The following PHIP variants were observed in gnomAD, a reference collection of about 807,000 sequenced individuals.
The protein encoded by PHIP is PHIP subunit of CUL4-Ring ligase complex, also known as PH-interacting protein.
PHIP carries 54 observed loss-of-function variants against 236.8 expected under a neutral mutation model. The observed-to-expected ratio is 0.23, with a 90% CI of 0.18 to 0.29. The LOEUF is 0.29. PHIP is among the 10% of genes least tolerant of loss of function. The pLI, the probability that PHIP is intolerant of heterozygous loss-of-function variation, is 1.00. For missense variants in PHIP, 1,370 were observed against 2,190.8 expected (o/e 0.63, Z 7.48); for synonymous variants, 756 against 718.9 (o/e 1.05, Z -0.83).
intron 22 of PHIP, among the ~76,000 whole-genome samples, chr6:78,983,612 A>G (rs1185845951): frequency 6.6e-6 from 1 of 152,136 alleles, no homozygotes; most frequent in Non-Finnish European, 1.5e-5. Context: ...CTCTCAGGGT[A>G]GCTGGATATT....
rs950906508 is a variant in PHIP, at chr6:79,010,847, C to T, written c.1524+4235G>A. Among the ~76,000 whole-genome samples, 117 of 151,924 alleles carry T rather than the reference C, an allele frequency of 7.7e-4. 1 individual carries two copies. Among genetic ancestry groups the T allele is most frequent in the Non-Finnish European group, 2.1e-4 (14 of 67,796 alleles). On this transcript the variant is annotated intron_variant, in intron 15 of 39. Coordinates refer to ENST00000275034, the MANE Select transcript of PHIP (RefSeq NM_017934.7). Reference sequence around the variant, plus strand: ...TATCTTTTCAAATTAATTTAATATTCATTTAGTTAAACTCGTAGTTAAAAC... The same window carrying T: ...TATCTTTTCAAATTAATTTAATATTTATTTAGTTAAACTCGTAGTTAAAAC...
intron 15 of PHIP, among the ~76,000 whole-genome samples, chr6:79,011,382 G>A (rs1037715265): frequency 6.6e-6 from 1 of 151,598 alleles, no homozygotes; most frequent in Non-Finnish European, 1.5e-5. Context: ...ATTCTCTTTG[G>A]TTTCTTCTCC....
intron 6 of PHIP, among the ~76,000 whole-genome samples, chr6:79,059,791 T>C (rs975506850): frequency 2.0e-5 from 3 of 151,676 alleles, no homozygotes; most frequent in Non-Finnish European, 4.4e-5. Flanking sequence ...TGAAGGTCTC[T>C]GAAAATTAGG....
At chr6:79,013,435 AT>A (rs1409683117) in intron 15 of PHIP, among the ~76,000 whole-genome samples, 1 of 151,748 alleles carries the variant, frequency 6.6e-6, no homozygotes, top group African/African-American at 2.4e-5. Flanking sequence ...TCTCTTATCC[AT>A]AAAAAGAACC....
intron 6 of PHIP, among the ~76,000 whole-genome samples, chr6:79,058,923 C>T (rs1262942061): frequency 6.6e-6 from 1 of 152,042 alleles, no homozygotes; most frequent in East Asian, 1.9e-4. Flanking sequence ...TCTTTCCCTT[C>T]TTGCAGGAAT....
intron 9 of PHIP, among the ~76,000 whole-genome samples, chr6:79,024,177 A>G (rs574821350): frequency 1.6e-4 from 24 of 152,208 alleles, no homozygotes; most frequent in Non-Finnish European, 2.8e-4. Context: ...CATAAGAACC[A>G]CTCTACAAGA....
Position 78,963,078 on chromosome 6 carries a change from C to G in PHIP, c.3535+19G>C. ...GTGTTCTGCCAGTTTTTTCTATACT[C>G]GCGTGTTGCTTTACTTACCTAGTGT... is the stretch of plus-strand genomic sequence containing the variant. On this transcript the variant is annotated intron_variant, in intron 30 of 39. Transcript: ENST00000275034. The G allele has an allele frequency of 1.3e-6, 2 of 1,564,080 alleles. No individual in the cohort carries two copies. The highest frequency in any genetic ancestry group is 2.4e-5 in the South Asian group (2 of 83,190).
chr6:78,945,346 G>A lies in PHIP; in HGVS notation c.4782C>T (p.Leu1594=). The change falls in exon 39 of 40, where the codon CTC becomes CTT. Residue 1594 remains leucine, a synonymous_variant. Coordinates refer to ENST00000275034, the MANE Select transcript of PHIP (RefSeq NM_017934.7). ...ACTTTGAAAGAGTGGACGCCTTTGG[G>A]AGTACAGATGACTTCATTTTACGTT... ...PVKRKMKSSV[L]PKASTLSKSS... 1 of 1,613,744 alleles carries A rather than the reference G, an allele frequency of 6.2e-7. No individual in the cohort carries two copies. Among genetic ancestry groups the A allele is most frequent in the Non-Finnish European group, 8.5e-7 (1 of 1,179,700 alleles).
At position 79,009,613 on chromosome 6, in the gene PHIP, T is replaced by C. The variant is rs201469803; in HGVS notation, c.1524+5469A>G. Among the ~76,000 whole-genome samples the C allele has an allele frequency of 2.0e-4, 31 of 152,242 alleles. No individual in the cohort carries two copies. In the East Asian group the frequency reaches 5.6e-3, roughly 27 times the overall value. On this transcript the variant is annotated intron_variant, in intron 15 of 39. Transcript: ENST00000275034. ...CTTATTCTCCCTTGTGGTCCTCATA[T>C]TTTGTGCTTAACACAAAAGAAAACA...
intron 29 of PHIP, 44 bp from the exon 30 acceptor site, chr6:78,963,296 T>G: frequency 6.7e-7 from 1 of 1,498,712 alleles, no homozygotes; most frequent in Non-Finnish European, 9.1e-7. Context: ...GGTAACTTAT[T>G]AGTATTCAGG....
chr6:78,999,786 T>C (rs555129765), intron 17 of PHIP, among the ~76,000 whole-genome samples: 1 of 152,148 alleles, frequency 6.6e-6, no homozygotes, highest in East Asian at 1.9e-4. Context: ...ATGTATTACA[T>C]GCATAATTTC....
At chr6:78,962,529 T>C (rs1766851987) in intron 30 of PHIP, among the ~76,000 whole-genome samples, 1 of 152,160 alleles carries the variant, frequency 6.6e-6, no homozygotes, top group Admixed American at 6.5e-5. Flanking sequence ...AATTTCTCTC[T>C]AGACTCTTTG....
Position 78,973,236 on chromosome 6 carries a change from G to C in PHIP, c.2890-2348C>G, listed in dbSNP as rs533453454. Among the ~76,000 whole-genome samples, 9 of 151,988 alleles carry C rather than the reference G, an allele frequency of 5.9e-5. No homozygotes were observed. In the East Asian group the frequency reaches 1.7e-3, roughly 30 times the overall value. On this transcript the variant is annotated intron_variant, in intron 24 of 39. Transcript: ENST00000275034. ...GGGGCCAATATTCAACATTCTTAAA[G>C]AAAAGAATTTTCAACCCAGAATTTC...
chr6:79,034,669 A>T (rs535505392), intron 7 of PHIP, among the ~76,000 whole-genome samples: 10 of 152,344 alleles, frequency 6.6e-5, no homozygotes, highest in Admixed American at 6.5e-4. Context: ...TACTCTGACT[A>T]CATAAATGAA....
intron 6 of PHIP, among the ~76,000 whole-genome samples, chr6:79,050,397 A>G (rs925740925): frequency 6.6e-6 from 1 of 152,174 alleles, no homozygotes; most frequent in South Asian, 2.1e-4. Flanking sequence ...TAAGGAAACC[A>G]AAGGATAAAA....
intron 4 of PHIP, among the ~76,000 whole-genome samples, chr6:79,072,529 T>G (rs1218639558): frequency 6.6e-6 from 1 of 152,146 alleles, no homozygotes; most frequent in Non-Finnish European, 1.5e-5. Context: ...TCACCCACGC[T>G]GGAGGGCAGT....
At chr6:78,960,231 A>G (rs555421852) in intron 31 of PHIP, among the ~76,000 whole-genome samples, 116 of 152,284 alleles carry the variant, frequency 7.6e-4, no homozygotes, top group African/African-American at 2.6e-3. Context: ...TACTTTAGCA[A>G]TTATCATGTT....
At chr6:79,072,727 T>C (rs1773950437) in intron 4 of PHIP, among the ~76,000 whole-genome samples, 1 of 152,052 alleles carries the variant, frequency 6.6e-6, no homozygotes, top group Non-Finnish European at 1.5e-5. Context: ...CCTCCCAAAG[T>C]ACTGGGATTA....
Position 78,988,663 on chromosome 6 carries a change from C to T in PHIP, c.2320-314G>A, listed in dbSNP as rs10943612. On this transcript the variant is annotated intron_variant, in intron 20 of 39. Coordinates refer to ENST00000275034, the MANE Select transcript of PHIP (RefSeq NM_017934.7). The stretch of plus-strand genomic sequence containing the variant: ...TATAGTACCAACTCAAATATTTTAA[C>T]ATTCATCAAGTTAAAGGCTTATCAT... Among the ~76,000 whole-genome samples the T allele has an allele frequency of 0.45, 68,946 of 151,850 alleles. 16,230 individuals carry two copies. Among genetic ancestry groups the T allele is most frequent in the East Asian group, 0.69 (3,557 of 5,162 alleles).
Sources: gnomAD v4.1 joint callset for allele counts (sites outside exome capture counted in the v4.1 genomes callset) on GRCh38, gnomAD v4.1.1 for gene constraint, MANE v1.5 for transcripts, NCBI Gene and HGNC (gene_info 2026-07-23, HGNC 2026-07-21) for gene names.